The following CCDC14 variants were observed in gnomAD, a reference collection of about 807,000 sequenced individuals.
CCDC14 encodes coiled-coil domain containing 14.
Under a neutral mutation model 81.4 loss-of-function variants are expected in CCDC14, and 71 were observed. The observed-to-expected ratio is 0.87, with a 90% confidence interval of 0.72 to 1.06. CCDC14 has a LOEUF of 1.06. Among genes scored for constraint, CCDC14 ranks in the 50% least tolerant of loss-of-function variants. The pLI is 0.00. For missense variants in CCDC14, 1,046 were observed against 1,047.3 expected (o/e 1.00, Z 0.02); for synonymous variants, 332 against 364.8 (o/e 0.91, Z 1.03).
intron 12 of CCDC14, among the ~76,000 whole-genome samples, chr3:123,929,967 C>T (rs919133559): frequency 6.6e-6 from 1 of 152,182 alleles, no homozygotes; most frequent in African/African-American, 2.4e-5. Flanking sequence ...GGATACCTTA[C>T]AAAGACTTCC....
In CCDC14 at chr3:123,947,192, T is replaced by C. The variant is rs1559798000; in HGVS notation, c.812A>G (p.Asp271Gly). 6.2e-7 allele frequency: 1 copy of C among 1,614,002 alleles called. No homozygotes were observed. Among genetic ancestry groups the C allele is most frequent in the Non-Finnish European group, 8.5e-7 (1 of 1,179,888 alleles). ...CTGCAATGTTGGAATAGCTGATATG[T>C]CAGTTTTGGGCAGGCTACATGGAAC... ...PGVPCSLPKT[D>G]ISAIPTLQQL... Residue 271 changes from aspartate to glycine, a missense_variant, in exon 8 of 13, where the codon GAC becomes GGC. Coordinates refer to ENST00000409697, the MANE Select transcript of CCDC14 (RefSeq NM_001366335.1).
chr3:123,936,687 G>A (rs1035184185), intron 9 of CCDC14, among the ~76,000 whole-genome samples: 1 of 152,080 alleles, frequency 6.6e-6, no homozygotes, highest in Non-Finnish European at 1.5e-5. Flanking sequence ...CTGGATGGTA[G>A]GAGGGAGGGG....
In CCDC14 at chr3:123,949,059, CT is replaced by C. The variant is rs1297526451; in HGVS notation, c.425del (p.Glu142GlyfsTer16). On this transcript the variant is annotated frameshift_variant, in exon 6 of 13. Coordinates refer to ENST00000409697, the MANE Select transcript of CCDC14 (RefSeq NM_001366335.1). LOFTEE classifies it high-confidence loss of function. ...ARSERDTSDL[E>X]QNWSLQDHYR... ...AATGATCTTGCAATGACCAGTTTTG[CT>C]CTAGGTCTGATGTGTCTCTTTCACT... The C allele has an allele frequency of 6.2e-7, 1 of 1,613,324 alleles. No homozygotes were observed. The highest frequency in any genetic ancestry group is 1.3e-5 in the African/African-American group (1 of 75,032).
At chr3:123,909,097 G>GCTC (rs1281001636), downstream of CCDC14, among the ~76,000 whole-genome samples, 1 of 151,944 alleles carries the variant, frequency 6.6e-6, no homozygotes, top group Non-Finnish European at 1.5e-5. Flanking sequence ...TTGTTTTGGA[G>GCTC]CTCCTTACTT....
At chr3:123,929,923 A>G (rs1447864924) in intron 12 of CCDC14, among the ~76,000 whole-genome samples, 1 of 152,234 alleles carries the variant, frequency 6.6e-6, no homozygotes, top group African/African-American at 2.4e-5. Context: ...TCTCACCACA[A>G]AATTATTCCT....
Position 123,956,343 on chromosome 3 carries a change from A to G in CCDC14, c.159+12T>C. The G allele has an allele frequency of 6.6e-7, 1 of 1,525,920 alleles. No homozygotes were observed. The highest frequency in any genetic ancestry group is 8.9e-7 in the Non-Finnish European group (1 of 1,129,604). 94.5% of individuals were successfully genotyped at this position (1,525,920 alleles called of 1,614,324 possible). ...AATTAAAATAGTGTGTATTGTATCTATTCAATCTTACCTGACTTTCTGAAT... is the reference window on the plus strand; with the variant it reads ...AATTAAAATAGTGTGTATTGTATCTGTTCAATCTTACCTGACTTTCTGAAT... On this transcript the variant is annotated intron_variant, in intron 3 of 12. Coordinates refer to ENST00000409697, the MANE Select transcript of CCDC14 (RefSeq NM_001366335.1).
chr3:123,886,481 T>C, the CCDC14 span, among the ~76,000 whole-genome samples: 2 of 152,102 alleles, frequency 1.3e-5, no homozygotes, highest in East Asian at 1.9e-4. Flanking sequence ...CACTGCAACC[T>C]CCACATCCCT....
chr3:123,930,780 T>C (rs1418654183), intron 12 of CCDC14: 3 of 211,742 alleles, frequency 1.4e-5, no homozygotes, highest in Admixed American at 5.5e-5. Context: ...ACTCAGCTAA[T>C]ATGTGGCAGA....
At chr3:123,912,958 T>C (rs1320802591), downstream of CCDC14, among the ~76,000 whole-genome samples, 4 of 152,194 alleles carry the variant, frequency 2.6e-5, no homozygotes, top group Non-Finnish European at 4.4e-5. Flanking sequence ...ATTTTGATGA[T>C]ACTGACTTTC....
At chr3:123,927,175 G>C (rs1246498132) in intron 12 of CCDC14, among the ~76,000 whole-genome samples, 1 of 151,798 alleles carries the variant, frequency 6.6e-6, no homozygotes, top group Admixed American at 6.6e-5. Flanking sequence ...GGAGGCCAAG[G>C]TGGGAGAACT....
At chr3:123,942,667 G>A (rs937240488) in intron 9 of CCDC14, among the ~76,000 whole-genome samples, 1 of 151,992 alleles carries the variant, frequency 6.6e-6, no homozygotes, top group African/African-American at 2.4e-5. Flanking sequence ...TTATGCAGCT[G>A]TAACACTCTC....
chr3:123,887,642 C>A, the CCDC14 span, among the ~76,000 whole-genome samples: 1 of 152,106 alleles, frequency 6.6e-6, no homozygotes, highest in Non-Finnish European at 1.5e-5. Flanking sequence ...GCCTAGATGC[C>A]CAAATAACTT....
At position 123,947,187 on chromosome 3, in the gene CCDC14, A is replaced by G. The variant is rs2036686572; in HGVS notation, c.817T>C (p.Ser273Pro). 3 of 1,613,972 alleles carry G rather than the reference A, an allele frequency of 1.9e-6. No individual in the cohort carries two copies. Among genetic ancestry groups the G allele is most frequent in the South Asian group, 1.1e-5 (1 of 91,084 alleles). ...AGTTGCTGCAATGTTGGAATAGCTG[A>G]TATGTCAGTTTTGGGCAGGCTACAT... is the stretch of plus-strand genomic sequence containing the variant. ...VPCSLPKTDI[S>P]AIPTLQQLGL... Residue 273 changes from serine to proline, a missense_variant, in exon 8 of 13, where the codon TCA becomes CCA. Physicochemically the swap from Ser to Pro is moderately conservative, Grantham distance 74. Transcript: ENST00000409697.
intron 5 of CCDC14, among the ~76,000 whole-genome samples, chr3:123,898,484 G>C (rs1356481282): frequency 1.3e-5 from 2 of 152,136 alleles, no homozygotes; most frequent in Non-Finnish European, 2.9e-5. Flanking sequence ...TTCAGTGCCA[G>C]GTTGGAGAGA....
intron 12 of CCDC14, among the ~76,000 whole-genome samples, chr3:123,928,226 G>A (rs1438097625): frequency 5.9e-5 from 9 of 151,600 alleles, no homozygotes; most frequent in Non-Finnish European, 1.2e-4. Context: ...GGCCTGGCAC[G>A]GTGGCTCACG....
chr3:123,955,751 T>TA (rs2037286288), intron 5 of CCDC14, 92 bp downstream of exon 5: 5 of 1,195,494 alleles, frequency 4.2e-6, no homozygotes. Flanking sequence ...TACTGATTAT[T>TA]AAAATGAAAA....
chr3:123,907,959 G>A (rs1468159452), intron 5 of CCDC14, among the ~76,000 whole-genome samples: 1 of 151,910 alleles, frequency 6.6e-6, no homozygotes, highest in African/African-American at 2.4e-5. Context: ...AGGGGGAAAA[G>A]GGGCCACTTT....
chr3:123,896,924 G>T (rs904987448), downstream of CCDC14, among the ~76,000 whole-genome samples: 14 of 152,094 alleles, frequency 9.2e-5, no homozygotes, highest in African/African-American at 3.1e-4. Flanking sequence ...GTGGGCAGGG[G>T]CAGGGAAAAT....
In CCDC14 at chr3:123,933,703, G is replaced by GT; in HGVS notation, c.1395dup (p.Pro466ThrfsTer10). On this transcript the variant is annotated frameshift_variant, in exon 10 of 13. Coordinates refer to ENST00000409697, the MANE Select transcript of CCDC14 (RefSeq NM_001366335.1). LOFTEE classifies it high-confidence loss of function. ...AGGTTGCAATCCACAGCACCAGATG[G>GT]TTTTTGAGTTTTCTGTTGTTCTCTG... 6.3e-7 allele frequency: 1 copy of GT among 1,574,884 alleles called. No homozygotes were observed. The highest frequency in any genetic ancestry group is 1.3e-5 in the African/African-American group (1 of 74,602).
Sources: gnomAD v4.1 joint callset for allele counts (sites outside exome capture counted in the v4.1 genomes callset) on GRCh38, gnomAD v4.1.1 for gene constraint, MANE v1.5 for transcripts, NCBI Gene and HGNC (gene_info 2026-07-23, HGNC 2026-07-21) for gene names.